Variants in IL17RD observed in about 807,000 individuals in gnomAD.
IL17RD encodes interleukin 17 receptor D.
Under a neutral mutation model 80.5 loss-of-function variants are expected in IL17RD, and 52 were observed. The observed-to-expected ratio is 0.65, with a 90% CI of 0.52 to 0.81. The LOEUF is 0.81. IL17RD is among the 40% of genes least tolerant of loss of function. The pLI, the probability that IL17RD is intolerant of heterozygous loss-of-function variation, is 0.00. For missense variants in IL17RD, 1,024 were observed against 955.1 expected, an observed-to-expected ratio of 1.07 and a Z score of -0.95; for synonymous variants, 416 against 391.8, an observed-to-expected ratio of 1.06 and a Z score of -0.73.
upstream of IL17RD, chr3:57,165,522 C>T: frequency 4.4e-6 from 1 of 225,236 alleles, no homozygotes; most frequent in Non-Finnish European, 8.4e-6. Flanking sequence ...CTGGTCACGC[C>T]CCCCAAGCCC....
chr3:57,110,894 A>ACAC (rs1707081638), intron 3 of IL17RD, among the ~76,000 whole-genome samples: 1 of 152,274 alleles, frequency 6.6e-6, no homozygotes. Context: ...TGAAAGGCAG[A>ACAC]CACCCAAGGG....
At chr3:57,124,743 G>A (rs747131585) in intron 1 of IL17RD, among the ~76,000 whole-genome samples, 2 of 152,158 alleles carry the variant, frequency 1.3e-5, no homozygotes, top group Non-Finnish European at 2.9e-5. Flanking sequence ...ATTTATTATA[G>A]AAGCAACTGA....
chr3:57,114,192 A>G (rs1176188624), intron 3 of IL17RD, among the ~76,000 whole-genome samples: 1 of 152,150 alleles, frequency 6.6e-6, no homozygotes, highest in Non-Finnish European at 1.5e-5. Flanking sequence ...TCAAAAAAAA[A>G]AAAAAAATTC....
chr3:57,119,351 C>CAAAAAAA (rs34523688), intron 2 of IL17RD, among the ~76,000 whole-genome samples: 1 of 122,536 alleles, frequency 8.2e-6, no homozygotes, highest in African/African-American at 3.0e-5. Context: ...GACTCCATCT[C>CAAAAAAA]AAAAAAAACA....
chr3:57,134,382 G>T (rs770463161), intron 1 of IL17RD: 8 of 701,398 alleles, frequency 1.1e-5, no homozygotes, highest in Non-Finnish European at 2.1e-5. Flanking sequence ...TAAGCGAAAG[G>T]GTACAGCCAA....
intron 2 of IL17RD, among the ~76,000 whole-genome samples, chr3:57,115,632 G>A (rs1559472497): frequency 2.0e-5 from 3 of 152,312 alleles, no homozygotes; most frequent in East Asian, 1.9e-4. Context: ...ATCAGGCTGC[G>A]ACTTCAGAGA....
rs587776979 is a variant in IL17RD, at chr3:57,096,409, G to A, written c.2204C>T (p.Ala735Val). The part of the protein sequence containing the change: ...GCRSYTDELH[A>V]VAPL ...TTCGTTTTGTTACAAAGGGGCGACCGCGTGGAGTTCATCAGTGTAGCTGCG... is the reference window on the plus strand; with the variant it reads ...TTCGTTTTGTTACAAAGGGGCGACCACGTGGAGTTCATCAGTGTAGCTGCG... Residue 735 changes from alanine to valine, a missense_variant, in exon 13 of 13, where the codon GCG becomes GTG. Physicochemically the swap from Ala to Val is moderately conservative, Grantham distance 64 (BLOSUM62 0). Coordinates refer to ENST00000296318, the MANE Select transcript of IL17RD (RefSeq NM_017563.5). 70 of 1,612,732 alleles carry A rather than the reference G, an allele frequency of 4.3e-5. No homozygotes were observed. The highest frequency in any genetic ancestry group is 5.3e-5 in the Non-Finnish European group (62 of 1,178,852).
At chr3:57,144,887 T>G (rs1022329301) in intron 1 of IL17RD, among the ~76,000 whole-genome samples, 5 of 152,020 alleles carry the variant, frequency 3.3e-5, no homozygotes, top group African/African-American at 9.7e-5. Context: ...CAGGAAGGAG[T>G]CATTTTTAAA....
chr3:57,119,076 G>A (rs1707277696), intron 2 of IL17RD, among the ~76,000 whole-genome samples: 1 of 152,100 alleles, frequency 6.6e-6, no homozygotes, highest in Non-Finnish European at 1.5e-5. Flanking sequence ...TGTGTGGCCG[G>A]GCGCGGTGGC....
chr3:57,110,029 G>A (rs948845373), intron 4 of IL17RD, among the ~76,000 whole-genome samples, 164 bp downstream of exon 4: 1 of 151,698 alleles, frequency 6.6e-6, no homozygotes, highest in Non-Finnish European at 1.5e-5. Flanking sequence ...ATTTCCCTGG[G>A]AGCGTGGAGC....
rs1344004382 is a variant in IL17RD at position 57,091,475 on chromosome 3, T to C, written c.*4918A>G. The stretch of plus-strand genomic sequence containing the variant: ...CCCATAATCCCCATCCTGAGCCTCG[T>C]CTTCACAAGGCACCAATGTGAGTAA... On this transcript the variant is annotated 3_prime_UTR_variant, in exon 13 of 13. Transcript: ENST00000296318. The C allele has an allele frequency of 6.6e-6, 1 of 152,636 alleles. No individual in the cohort carries two copies. The highest frequency in any genetic ancestry group is 1.9e-4 in the East Asian group (1 of 5,200). 9.5% of individuals were successfully genotyped at this position (152,636 alleles called of 1,614,324 possible). A position where few individuals can be genotyped will look rare whatever the true frequency, so the allele number is the denominator to read the frequency against.
chr3:57,163,482 A>C (rs1346489376), intron 1 of IL17RD, among the ~76,000 whole-genome samples: 1 of 152,216 alleles, frequency 6.6e-6, no homozygotes, highest in Non-Finnish European at 1.5e-5. Flanking sequence ...GTACAGTGGC[A>C]TAAGAAGCCA....
At chr3:57,110,416 A>T in intron 3 of IL17RD, 105 bp from the exon 4 acceptor site, 2 of 1,277,712 alleles carry the variant, frequency 1.6e-6, no homozygotes, top group Admixed American at 4.1e-5. Context: ...CCAGAGTTAA[A>T]GGAATTCTAA....
chr3:57,096,404 C>T lies in IL17RD; in HGVS notation c.2209G>A (p.Ala737Thr), dbSNP rs1024143653. Residue 737 changes from alanine to threonine, a missense_variant, in exon 13 of 13, where the codon GCC becomes ACC. Physicochemically the swap from Ala to Thr is moderately conservative, Grantham distance 58. Coordinates refer to ENST00000296318, the MANE Select transcript of IL17RD (RefSeq NM_017563.5). ...ACTCTTTCGTTTTGTTACAAAGGGG[C>T]GACCGCGTGGAGTTCATCAGTGTAG... ...RSYTDELHAVAPL is the reference protein window; with the variant it reads ...RSYTDELHAVTPL 1.4e-5 allele frequency: 22 copies of T among 1,611,812 alleles called. No individual in the cohort carries two copies. Among genetic ancestry groups the T allele is most frequent in the Admixed American group, 1.7e-5 (1 of 59,968 alleles).
At chr3:57,118,840 G>T (rs971941440) in intron 2 of IL17RD, among the ~76,000 whole-genome samples, 4 of 152,150 alleles carry the variant, frequency 2.6e-5, no homozygotes, top group Non-Finnish European at 5.9e-5. Flanking sequence ...GCTAGAAGAA[G>T]GAAACTAAGT....
In IL17RD at chr3:57,107,355, G is replaced by C. The variant is rs533353601; in HGVS notation, c.551-1201C>G. Among the ~76,000 whole-genome samples, 47 of 150,912 alleles carry C rather than the reference G, an allele frequency of 3.1e-4. No homozygotes were observed. In the South Asian group the frequency reaches 9.3e-3, roughly 30 times the overall value. On this transcript the variant is annotated intron_variant, in intron 5 of 12. Coordinates refer to ENST00000296318, the MANE Select transcript of IL17RD (RefSeq NM_017563.5). ...GATCATGCCACTGCACTCCAGCCTG[G>C]GCGACAGAGCGAAACTCCATCTCGA...
intron 1 of IL17RD, among the ~76,000 whole-genome samples, chr3:57,158,009 A>G (rs773039394): frequency 1.8e-4 from 27 of 152,232 alleles, no homozygotes; most frequent in Non-Finnish European, 2.9e-4. Flanking sequence ...TTTACATCTG[A>G]AAAAAAGTTG....
chr3:57,148,985 G>A (rs965742977), intron 1 of IL17RD, among the ~76,000 whole-genome samples: 2 of 152,152 alleles, frequency 1.3e-5, no homozygotes, highest in African/African-American at 4.8e-5. Flanking sequence ...GGAAGGAAGT[G>A]GGCCAAAGAT....
intron 5 of IL17RD, among the ~76,000 whole-genome samples, chr3:57,107,328 G>A (rs142241607): frequency 0.012 from 1,802 of 151,586 alleles, 28 homozygotes; most frequent in African/African-American, 0.032. Context: ...GCAGTGAGCC[G>A]AGATCATGCC....
Sources: allele counts gnomAD v4.1 joint callset (sites outside exome capture counted in the v4.1 genomes callset), GRCh38; gene constraint gnomAD v4.1.1; transcripts MANE v1.5; gene names NCBI Gene and HGNC (gene_info 2026-07-23, HGNC 2026-07-21).